Variants in AKAP9 observed in about 807,000 individuals in gnomAD.
The protein encoded by AKAP9 is A-kinase anchor protein 9.
A neutral mutation model predicts 488.5 loss-of-function variants in AKAP9; 311 were observed. The observed-to-expected ratio is 0.64, with a 90% CI of 0.58 to 0.70. AKAP9 has a LOEUF of 0.70. Among genes scored for constraint, AKAP9 ranks in the 30% least tolerant of loss-of-function variants. AKAP9 has a pLI of 0.00. For synonymous variants in AKAP9, 1,462 were observed against 1,483.5 expected (o/e 0.99, Z 0.33); for missense variants, 4,215 against 4,374.5 (o/e 0.96, Z 1.03).
Position 92,099,749 on chromosome 7 carries a change from T to C in AKAP9, c.10776T>C (p.Asn3592=). ...TGACTGAAAGACTACTGAGACAAAA[T>C]GCTGAGCTGACAGGGCATATCAGTC... ...GSLTERLLRQ[N]AELTGHISQL... The change falls in exon 44 of 50, where the codon AAT becomes AAC. Residue 3592 remains asparagine, a synonymous_variant. Transcript: ENST00000356239. The C allele has an allele frequency of 6.2e-7, 1 of 1,614,112 alleles. No homozygotes were observed. Among genetic ancestry groups the C allele is most frequent in the Non-Finnish European group, 8.5e-7 (1 of 1,179,994 alleles).
At chr7:92,051,088 A>G (rs148737550) in intron 21 of AKAP9, among the ~76,000 whole-genome samples, 340 of 152,146 alleles carry the variant, frequency 2.2e-3, no homozygotes, top group Admixed American at 3.6e-3. Flanking sequence ...CCATTTGTTT[A>G]TAGCAAAACC....
intron 3 of AKAP9, among the ~76,000 whole-genome samples, chr7:91,989,026 T>A (rs938483096): frequency 6.6e-6 from 1 of 152,170 alleles, no homozygotes; most frequent in African/African-American, 2.4e-5. Flanking sequence ...ATGTTTAATA[T>A]GTGTTTGGCA....
chr7:91,995,634 C>T lies in AKAP9; in HGVS notation c.764C>T (p.Thr255Ile). The change falls in exon 7 of 50, where the codon ACT becomes ATT. Residue 255 changes from threonine (T) to isoleucine (I), a missense_variant. Transcript: ENST00000356239. The part of the protein sequence containing the change: ...LQASETLRNS[T>I]HSSTAADLLQ... ...GCTAGTGAAACTCTGAGAAACAGCA[C>T]TCATAGTAGCACAGCTGCAGACTTA... 1 of 1,614,070 alleles carries T rather than the reference C, an allele frequency of 6.2e-7. No homozygotes were observed. Among genetic ancestry groups the T allele is most frequent in the Non-Finnish European group, 8.5e-7 (1 of 1,180,016 alleles).
intron 28 of AKAP9, among the ~76,000 whole-genome samples, chr7:92,071,245 C>T (rs985037946): frequency 3.9e-4 from 59 of 152,010 alleles, no homozygotes; most frequent in African/African-American, 1.4e-3. Context: ...TGAAGCAGGA[C>T]GAAGTTCGGA....
chr7:92,103,914 T>C (rs1282387708), intron 46 of AKAP9, among the ~76,000 whole-genome samples: 1 of 152,174 alleles, frequency 6.6e-6, no homozygotes, highest in African/African-American at 2.4e-5. Context: ...CATTGGATTT[T>C]TGCTTTTTGC....
At chr7:92,086,519 G>A (rs182074627) in intron 37 of AKAP9, 103 bp downstream of exon 37, 10 of 904,938 alleles carry the variant, frequency 1.1e-5, no homozygotes, top group African/African-American at 1.0e-4. Flanking sequence ...TTTAATAGGA[G>A]CCACTATGAA....
chr7:92,083,062 A>T (rs1813866889), intron 32 of AKAP9, 108 bp from the exon 33 acceptor site: 1 of 1,336,650 alleles, frequency 7.5e-7, no homozygotes, highest in Admixed American at 2.3e-5. Context: ...CTCTGAGGAA[A>T]ATGAACGTAT....
chr7:92,072,958 T>C (rs1422649845), intron 28 of AKAP9, among the ~76,000 whole-genome samples: 1 of 152,170 alleles, frequency 6.6e-6, no homozygotes, highest in African/African-American at 2.4e-5. Context: ...CCTTAAGTGG[T>C]TGAAAAGGAG....
In AKAP9 at chr7:92,100,950, A is replaced by C. The variant is rs757551255; in HGVS notation, c.10991A>C (p.Lys3664Thr). Reference sequence around the variant, plus strand: ...AACAGAGAAAAATTGACTCTCCAGAAATCTTTGAAAAGGGCAGAGGCTGAA... The same window carrying C: ...AACAGAGAAAAATTGACTCTCCAGACATCTTTGAAAAGGGCAGAGGCTGAA... ...VWNREKLTLQ[K>T]SLKRAEAEVY... Residue 3664 changes from lysine (K) to threonine (T), a missense_variant, in exon 45 of 50, where the codon AAA becomes ACA. Physicochemically the swap from Lys to Thr is moderately conservative, Grantham distance 78. Transcript: ENST00000356239. 2 of 1,614,076 alleles carry C rather than the reference A, an allele frequency of 1.2e-6. No individual in the cohort carries two copies. Among genetic ancestry groups the C allele is most frequent in the African/African-American group, 2.7e-5 (2 of 74,932 alleles).
chr7:91,991,474 T>C (rs77727914), intron 3 of AKAP9, among the ~76,000 whole-genome samples: 1 of 144,536 alleles, frequency 6.9e-6, no homozygotes, highest in Admixed American at 6.9e-5. Flanking sequence ...GAAGAACTCT[T>C]TTTTTTTTTT....
At chr7:92,069,936 A>T (rs560881921) in intron 26 of AKAP9, 94 bp from the exon 27 acceptor site, 3 of 1,126,576 alleles carry the variant, frequency 2.7e-6, no homozygotes, top group Admixed American at 4.4e-5. Flanking sequence ...AGCATTTTGG[A>T]TTGTAGATAT....
At chr7:92,009,319 C>G (rs986635844) in intron 8 of AKAP9, among the ~76,000 whole-genome samples, 3 of 152,014 alleles carry the variant, frequency 2.0e-5, no homozygotes, top group Non-Finnish European at 4.4e-5. Context: ...TCATAAAAGT[C>G]ATAAAAGAAT....
chr7:92,034,542 G>T (rs540471716), intron 16 of AKAP9, among the ~76,000 whole-genome samples: 2 of 123,518 alleles, frequency 1.6e-5, no homozygotes, highest in Non-Finnish European at 3.2e-5. Context: ...CACTCTTGTC[G>T]CCAGGCTGGA....
chr7:91,981,905 T>C (rs931714460), intron 3 of AKAP9, among the ~76,000 whole-genome samples: 1 of 152,198 alleles, frequency 6.6e-6, no homozygotes, highest in Non-Finnish European at 1.5e-5. Flanking sequence ...CACCTGGCTA[T>C]AGCTTGTATT....
At chr7:91,949,181 T>A (rs1791888821) in intron 1 of AKAP9, among the ~76,000 whole-genome samples, 1 of 152,042 alleles carries the variant, frequency 6.6e-6, no homozygotes, top group Non-Finnish European at 1.5e-5. Context: ...CCTTTCCGTA[T>A]GTGTGGAGAG....
chr7:92,064,024 C>T (rs748068684), intron 24 of AKAP9, among the ~76,000 whole-genome samples: 9 of 152,086 alleles, frequency 5.9e-5, no homozygotes, highest in Admixed American at 1.3e-4. Context: ...TCAGGTGATC[C>T]GCCCACCTCT....
Position 92,070,018 on chromosome 7 carries a change from C to T in AKAP9, c.6331-12C>T, listed in dbSNP as rs1554444440. On this transcript the variant is annotated splice_polypyrimidine_tract_variant and intron_variant, in intron 26 of 49. Coordinates refer to ENST00000356239, the MANE Select transcript of AKAP9 (RefSeq NM_005751.5). ...TTTTTTTAAATTAAATTTTTTGCCT[C>T]TTATATTTCAGGTTGAACAGTTAGC... 1.2e-6 allele frequency: 2 copies of T among 1,608,250 alleles called. No homozygotes were observed. Among genetic ancestry groups the T allele is most frequent in the Admixed American group, 3.4e-5 (2 of 58,732 alleles).
intron 31 of AKAP9, among the ~76,000 whole-genome samples, chr7:92,080,356 T>C (rs2130863537): frequency 6.6e-6 from 1 of 152,298 alleles, no homozygotes; most frequent in Non-Finnish European, 1.5e-5. Context: ...CCCAGCACTT[T>C]GGGAGGCCGA....
intron 26 of AKAP9, among the ~76,000 whole-genome samples, chr7:92,068,436 A>G (rs1401699430): frequency 1.3e-5 from 2 of 151,894 alleles, no homozygotes; most frequent in African/African-American, 2.4e-5. Flanking sequence ...TCTGACAAAC[A>G]TATTTTTGGC....
Sources: allele counts gnomAD v4.1 joint callset (sites outside exome capture counted in the v4.1 genomes callset), GRCh38; gene constraint gnomAD v4.1.1; transcripts MANE v1.5; gene names NCBI Gene and HGNC (gene_info 2026-07-23, HGNC 2026-07-21).